CIB4: variants seen among roughly 807,000 people sequenced by gnomAD.
CIB4 encodes the protein calcium and integrin-binding family member 4.
CIB4 carries 25 observed loss-of-function variants against 25.8 expected under a neutral mutation model. The observed-to-expected ratio is 0.97, with a 90% CI of 0.71 to 1.35. The LOEUF (loss-of-function observed/expected upper bound fraction) is 1.35. CIB4 is among the 40% of genes most tolerant of loss of function. The pLI is 0.00. For synonymous variants in CIB4, 75 were observed against 81.4 expected (o/e 0.92, Z 0.42); for missense variants, 235 against 228.2 (o/e 1.03, Z -0.19).
At chr2:26,585,954 G>A (rs2148188319) in intron 4 of CIB4, among the ~76,000 whole-genome samples, 1 of 152,088 alleles carries the variant, frequency 6.6e-6, no homozygotes, top group South Asian at 2.1e-4. Flanking sequence ...CAGCCACTCA[G>A]GCCAACCTGG....
chr2:26,634,441 T>C (rs1187764654), intron 2 of CIB4, among the ~76,000 whole-genome samples: 1 of 152,228 alleles, frequency 6.6e-6, no homozygotes, highest in East Asian at 1.9e-4. Flanking sequence ...GGGATAATAA[T>C]ACCATGATAG....
chr2:26,609,695 AG>A, intron 3 of CIB4, among the ~76,000 whole-genome samples: 1 of 152,148 alleles, frequency 6.6e-6, no homozygotes, highest in Non-Finnish European at 1.5e-5. Context: ...CAGGGCGGGA[AG>A]GTCCCAGGCG....
At chr2:26,606,709 T>C (rs1415177550) in intron 3 of CIB4, among the ~76,000 whole-genome samples, 1 of 152,120 alleles carries the variant, frequency 6.6e-6, no homozygotes, top group East Asian at 1.9e-4. Flanking sequence ...TTTAGGTGAA[T>C]GCACTTCCTC....
chr2:26,631,866 G>A (rs567981850), intron 2 of CIB4, among the ~76,000 whole-genome samples: 33 of 152,264 alleles, frequency 2.2e-4, no homozygotes, highest in Non-Finnish European at 4.1e-4. Flanking sequence ...CTGTGTTCCC[G>A]CTGTCTCAGG....
Position 26,639,277 on chromosome 2 carries a change from A to G in CIB4, c.89+1256T>C, listed in dbSNP as rs576996421. ...TTTGTTACATAGGTATACACATGTC[A>G]TGGTGGTTTGCTGCACCCATCAACC... On this transcript the variant is annotated intron_variant, in intron 2 of 6. Transcript: ENST00000288861. 2.0e-5 allele frequency among the ~76,000 whole-genome samples: 3 copies of G among 151,676 alleles called. No individual in the cohort carries two copies. The South Asian group carries it at 6.3e-4, about 32-fold the overall frequency.
At chr2:26,631,245 C>T (rs1253973885) in intron 2 of CIB4, among the ~76,000 whole-genome samples, 1 of 152,102 alleles carries the variant, frequency 6.6e-6, no homozygotes, top group Non-Finnish European at 1.5e-5. Flanking sequence ...GAGGCTGAGG[C>T]GGGAGAATCG....
chr2:26,628,179 A>G (rs1277872677), intron 3 of CIB4, among the ~76,000 whole-genome samples: 1 of 152,198 alleles, frequency 6.6e-6, no homozygotes, highest in East Asian at 1.9e-4. Flanking sequence ...AAATCTCAGG[A>G]GTGATTTTGG....
intron 3 of CIB4, chr2:26,605,360 G>T (rs1038551780): frequency 6.4e-6 from 2 of 311,850 alleles, no homozygotes; most frequent in African/African-American, 2.2e-5. Context: ...CCGGGGGAAA[G>T]TGTATCAGCT....
intron 2 of CIB4, among the ~76,000 whole-genome samples, 153 bp from the exon 3 acceptor site, chr2:26,629,659 C>T (rs1042072211): frequency 6.6e-6 from 1 of 152,060 alleles, no homozygotes; most frequent in African/African-American, 2.4e-5. Context: ...ACAGAAAAGG[C>T]AGTAATCAAT....
At chr2:26,622,335 T>G (rs55874196) in intron 3 of CIB4, among the ~76,000 whole-genome samples, 16,954 of 152,084 alleles carry the variant, frequency 0.11, 1,189 homozygotes, top group Admixed American at 0.23. Flanking sequence ...TACTCCAGCC[T>G]GGGCGACAAA....
chr2:26,639,746 C>A (rs1002337829), intron 2 of CIB4, among the ~76,000 whole-genome samples: 5 of 152,198 alleles, frequency 3.3e-5, no homozygotes, highest in Admixed American at 6.5e-5. Context: ...ACCACCAGAC[C>A]CTGAGTGGGA....
intron 3 of CIB4, chr2:26,623,738 G>A (rs1669248239): frequency 1.2e-5 from 4 of 321,674 alleles, no homozygotes; most frequent in South Asian, 8.1e-5. Context: ...GAAGAGGCCA[G>A]GGGGGTGAGG....
chr2:26,584,773 G>A (rs1463700182), intron 4 of CIB4, among the ~76,000 whole-genome samples: 2 of 152,172 alleles, frequency 1.3e-5, no homozygotes, highest in Non-Finnish European at 2.9e-5. Flanking sequence ...GCCCTGGTGT[G>A]CACAGAGGGT....
At chr2:26,618,980 G>A (rs1669149856) in intron 3 of CIB4, among the ~76,000 whole-genome samples, 2 of 152,204 alleles carry the variant, frequency 1.3e-5, no homozygotes, top group Non-Finnish European at 1.5e-5. Context: ...TCTGAGCGCT[G>A]TGAAGCCCCT....
Position 26,618,894 on chromosome 2 carries a change from G to C in CIB4, c.186+10516C>G, listed in dbSNP as rs1187415722. On this transcript the variant is annotated intron_variant, in intron 3 of 6. Coordinates refer to ENST00000288861, the MANE Select transcript of CIB4 (RefSeq NM_001029881.3). ...CATCTCCCACCGGCCTCTCTAGGAG[G>C]GACTGTGCTTACTGGTAGCCTGGGT... 2.6e-5 allele frequency among the ~76,000 whole-genome samples: 4 copies of C among 152,208 alleles called. No individual in the cohort carries two copies. The East Asian group carries it at 7.7e-4, about 29-fold the overall frequency.
At chr2:26,587,326 A>AAAAAAAAAAAAT (rs1558553755) in intron 4 of CIB4, among the ~76,000 whole-genome samples, 1 of 150,838 alleles carries the variant, frequency 6.6e-6, no homozygotes, top group African/African-American at 2.4e-5. Flanking sequence ...AAAAAAAAAA[A>AAAAAAAAAAAAT]AAGAACCACT....
intron 2 of CIB4, among the ~76,000 whole-genome samples, chr2:26,638,217 A>T (rs953658103): frequency 6.6e-6 from 1 of 152,168 alleles, no homozygotes. Flanking sequence ...CAGCACTCAC[A>T]GGGACCCACC....
intron 6 of CIB4, among the ~76,000 whole-genome samples, chr2:26,582,083 C>T (rs952090361): frequency 3.9e-5 from 6 of 152,204 alleles, no homozygotes; most frequent in African/African-American, 1.2e-4. Flanking sequence ...CCAGCAGCCC[C>T]GGGCTCCTGC....
chr2:26,626,522 A>C (rs10206385), intron 3 of CIB4, among the ~76,000 whole-genome samples: 6,117 of 151,988 alleles, frequency 0.04, 429 homozygotes, highest in African/African-American at 0.14. Context: ...AGACTAATAT[A>C]TCATTTTAAT....
Sources: allele counts gnomAD v4.1 joint callset (sites outside exome capture counted in the v4.1 genomes callset), GRCh38; gene constraint gnomAD v4.1.1; transcripts MANE v1.5; gene names NCBI Gene and HGNC (gene_info 2026-07-23, HGNC 2026-07-21).